The following C10orf90 variants were observed in gnomAD, a reference collection of about 807,000 sequenced individuals.
The protein encoded by C10orf90 is (E2-independent) E3 ubiquitin-conjugating enzyme FATS.
In C10orf90, 56 loss-of-function variants were observed where a neutral mutation model predicts 62.5. The ratio of observed to expected loss-of-function variants is 0.90; its 90% confidence interval spans 0.72 to 1.12. The LOEUF (loss-of-function observed/expected upper bound fraction) is 1.12. Ranked by LOEUF, C10orf90 falls within the 50% of genes most tolerant of loss-of-function variation. C10orf90 has a pLI of 0.00. For synonymous variants in C10orf90, 386 were observed against 340.4 expected (o/e 1.13, Z -1.47); for missense variants, 970 against 880.4 (o/e 1.10, Z -1.29).
chr10:126,611,356 T>C (rs565843665), intron 2 of C10orf90, among the ~76,000 whole-genome samples: 2 of 152,374 alleles, frequency 1.3e-5, no homozygotes, highest in South Asian at 4.1e-4. Context: ...CCGGATAATA[T>C]TCTGTTGTAT....
At chr10:126,426,221 C>G in intron 8 of C10orf90, 131 bp from the exon 9 acceptor site, 1 of 730,710 alleles carries the variant, frequency 1.4e-6, no homozygotes, top group Non-Finnish European at 2.3e-6. Context: ...TAGCTCACAA[C>G]TGTAGGATGC....
chr10:126,592,347 CAT>C (rs1844998119), intron 2 of C10orf90, among the ~76,000 whole-genome samples: 2 of 152,054 alleles, frequency 1.3e-5, no homozygotes, highest in Non-Finnish European at 2.9e-5. Context: ...AAAACAGAGA[CAT>C]AGACCAATGG....
At chr10:126,651,466 T>G (rs1340712084) in intron 1 of C10orf90, among the ~76,000 whole-genome samples, 1 of 152,134 alleles carries the variant, frequency 6.6e-6, no homozygotes, top group Non-Finnish European at 1.5e-5. Context: ...ATATTATCTT[T>G]TTAAAATCCA....
At chr10:126,626,669 A>G (rs1484321413) in intron 2 of C10orf90, among the ~76,000 whole-genome samples, 4 of 152,248 alleles carry the variant, frequency 2.6e-5, no homozygotes, top group Non-Finnish European at 5.9e-5. Flanking sequence ...AAGTGTTAAA[A>G]GTGCTAAAAT....
chr10:126,563,807 A>G (rs1274402670), intron 2 of C10orf90, among the ~76,000 whole-genome samples: 1 of 152,188 alleles, frequency 6.6e-6, no homozygotes, highest in Non-Finnish European at 1.5e-5. Context: ...TGCACTCATT[A>G]ACCAACACCG....
intron 4 of C10orf90, among the ~76,000 whole-genome samples, chr10:126,494,890 T>G (rs371360367): frequency 1.3e-5 from 2 of 152,248 alleles, no homozygotes; most frequent in East Asian, 1.9e-4. Context: ...ACCTGTCCTG[T>G]GCACCTGCCC....
At chr10:126,609,686 A>G (rs1174719848) in intron 2 of C10orf90, among the ~76,000 whole-genome samples, 5 of 152,226 alleles carry the variant, frequency 3.3e-5, no homozygotes, top group Non-Finnish European at 7.3e-5. Context: ...GGGCCTTAGG[A>G]GCAGTGGCTT....
intron 2 of C10orf90, among the ~76,000 whole-genome samples, chr10:126,588,283 T>A (rs576056975): frequency 2.0e-5 from 3 of 152,358 alleles, no homozygotes; most frequent in Admixed American, 2.0e-4. Context: ...GCTGGCAGTC[T>A]GCATGAGGGG....
In C10orf90 at chr10:126,567,108, A is replaced by G. The variant is rs117174097; in HGVS notation, c.314-53169T>C. 6.7e-3 allele frequency among the ~76,000 whole-genome samples: 1,019 copies of G among 152,286 alleles called. 7 individuals are homozygous for G. Among genetic ancestry groups the G allele is most frequent in the Middle Eastern group, 0.02 (6 of 294 alleles). On this transcript the variant is annotated intron_variant, in intron 2 of 9. Transcript: ENST00000488181. The stretch of plus-strand genomic sequence containing the variant: ...GTGCCCTGGTCATAAAGAAGTAGTT[A>G]CAGCCATGGGGATTGTATTAGTCTG...
At chr10:126,551,129 A>T (rs1226158121) in intron 2 of C10orf90, among the ~76,000 whole-genome samples, 2 of 152,224 alleles carry the variant, frequency 1.3e-5, no homozygotes, top group Non-Finnish European at 2.9e-5. Flanking sequence ...TGGCTTTCAC[A>T]TCCAAGCTGT....
At chr10:126,471,175 G>T (rs1478682561) in intron 4 of C10orf90, among the ~76,000 whole-genome samples, 1 of 152,186 alleles carries the variant, frequency 6.6e-6, no homozygotes, top group Non-Finnish European at 1.5e-5. Context: ...CAGAGCTGGA[G>T]CTGGCGCCAC....
intron 7 of C10orf90, among the ~76,000 whole-genome samples, chr10:126,448,520 G>A (rs1858953177): frequency 6.6e-6 from 1 of 151,948 alleles, no homozygotes; most frequent in African/African-American, 2.4e-5. Flanking sequence ...CAAAGTTGGT[G>A]GAAAGAAGGA....
At chr10:126,469,258 T>G (rs1860443912) in intron 4 of C10orf90, among the ~76,000 whole-genome samples, 1 of 152,204 alleles carries the variant, frequency 6.6e-6, no homozygotes, top group Non-Finnish European at 1.5e-5. Flanking sequence ...TTAAATTGTG[T>G]TAAAGGCATT....
At chr10:126,640,535 C>T (rs901359313) in intron 2 of C10orf90, among the ~76,000 whole-genome samples, 5 of 152,290 alleles carry the variant, frequency 3.3e-5, no homozygotes, top group South Asian at 2.1e-4. Flanking sequence ...TCAGAGCCCA[C>T]GGTCCTGGAG....
At chr10:126,461,682 G>T in intron 5 of C10orf90, 97 bp from the exon 6 acceptor site, 3 of 1,203,682 alleles carry the variant, frequency 2.5e-6, no homozygotes, top group East Asian at 2.6e-5. Context: ...TTTGAAAATA[G>T]AAACGCCAGT....
chr10:126,455,471 C>T (rs528973591), intron 7 of C10orf90, among the ~76,000 whole-genome samples: 51 of 152,322 alleles, frequency 3.3e-4, no homozygotes, highest in Non-Finnish European at 4.4e-4. Flanking sequence ...CCTCTTCACC[C>T]GCCTGCTTCC....
At chr10:126,499,055 A>G (rs1252185261) in intron 4 of C10orf90, among the ~76,000 whole-genome samples, 4 of 152,266 alleles carry the variant, frequency 2.6e-5, no homozygotes, top group Non-Finnish European at 5.9e-5. Flanking sequence ...AGAAGTCAGT[A>G]AATTACAGAC....
chr10:126,666,707 G>A (rs1252624967), intron 1 of C10orf90, among the ~76,000 whole-genome samples: 5 of 152,008 alleles, frequency 3.3e-5, no homozygotes, highest in South Asian at 4.2e-4. Context: ...GGCCAGGCAC[G>A]GTGGCTCACA....
chr10:126,508,163 G>GAA (rs1564843781), intron 3 of C10orf90, among the ~76,000 whole-genome samples: 1 of 143,942 alleles, frequency 6.9e-6, no homozygotes, highest in East Asian at 2.2e-4. Flanking sequence ...GTGAGTGAGA[G>GAA]AGAGAGAGAG....
Sources: gnomAD v4.1 joint callset for allele counts (sites outside exome capture counted in the v4.1 genomes callset) on GRCh38, gnomAD v4.1.1 for gene constraint, MANE v1.5 for transcripts, NCBI Gene and HGNC (gene_info 2026-07-23, HGNC 2026-07-21) for gene names.